Variants in INF2 observed in about 807,000 individuals in gnomAD.
INF2 encodes the protein inverted formin-2.
INF2 carries 43 observed loss-of-function variants against 123.5 expected under a neutral mutation model. That is an observed-to-expected ratio of 0.35 (90% CI 0.27 to 0.45). The LOEUF (loss-of-function observed/expected upper bound fraction) is 0.45, where lower values mean the gene tolerates loss of function less well. INF2 is among the 20% of genes least tolerant of loss of function. The probability of loss-of-function intolerance (pLI) is 1.00; values close to 1 mark genes in which losing one functional copy is unlikely to be tolerated. For synonymous variants in INF2, 851 were observed against 745.0 expected (o/e 1.14, Z -2.32); for missense variants, 1,453 against 1,682.7 (o/e 0.86, Z 2.39).
At chr14:104,687,502 A>G (rs1888695119), upstream of INF2, among the ~76,000 whole-genome samples, 1 of 151,848 alleles carries the variant, frequency 6.6e-6, no homozygotes, top group Non-Finnish European at 1.5e-5. This position sits in a 1 kb window ranked among gnomAD's most constrained non-coding sequence, Gnocchi z 5.6. Context: ...ACACAGACAC[A>G]CACTCTTAAT....
chr14:104,718,714 C>T, intron 22 of INF2, 81 bp from the exon 23 acceptor site: 1 of 1,576,222 alleles, frequency 6.3e-7, no homozygotes, highest in Middle Eastern at 1.7e-4. Context: ...GGTTCAGGGA[C>T]CTGGGCACCC....
chr14:104,689,590 T>TGCC, upstream of INF2: 164 of 646,912 alleles, frequency 2.5e-4, no homozygotes, highest in Middle Eastern at 8.4e-4. Flanking sequence ...CTCCTCTTCC[T>TGCC]CCCGCCCGCC....
intron 8 of INF2, 62 bp downstream of exon 8, chr14:104,708,064 G>A: frequency 6.3e-7 from 1 of 1,595,816 alleles, no homozygotes. Flanking sequence ...CTCTGCTGGG[G>A]AGAGGGGCAG....
In INF2 at chr14:104,714,875, C is replaced by A; in HGVS notation, c.3694+19C>A. On this transcript the variant is annotated intron_variant, in intron 21 of 22. Coordinates refer to ENST00000392634, the MANE Select transcript of INF2 (RefSeq NM_022489.4). ...CAGGAAGGTAACTCAGGGAGGGGCCCCGGGCACCGTCCCACGCCAGGGCGC... is the reference window on the plus strand; with the variant it reads ...CAGGAAGGTAACTCAGGGAGGGGCCACGGGCACCGTCCCACGCCAGGGCGC... 6.6e-7 allele frequency: 1 copy of A among 1,525,458 alleles called. No individual in the cohort carries two copies. The highest frequency in any genetic ancestry group is 2.4e-5 in the East Asian group (1 of 42,530). The allele number at this position is 1,525,458 out of a possible 1,614,324, so 94.5% of individuals were successfully genotyped here.
rs4351990 is a variant in INF2 at position 104,718,287 on chromosome 14, G to A, written c.*2-508G>A. On this transcript the variant is annotated intron_variant, in intron 22 of 22. Coordinates refer to ENST00000392634, the MANE Select transcript of INF2 (RefSeq NM_022489.4). Reference sequence around the variant, plus strand: ...CCCTGGACCAGAAAGCGAAGAGGGCGTTGGGGGCAGGAGGCCTGTGGGGCC... The same window carrying A: ...CCCTGGACCAGAAAGCGAAGAGGGCATTGGGGGCAGGAGGCCTGTGGGGCC... Among the ~76,000 whole-genome samples, 174 of 152,364 alleles carry A rather than the reference G, an allele frequency of 1.1e-3. 2 individuals carry two copies. The East Asian group carries it at 0.029, about 26-fold the overall frequency.
At chr14:104,708,875 T>C in intron 10 of INF2, 143 bp downstream of exon 10, 2 of 936,004 alleles carry the variant, frequency 2.1e-6, no homozygotes, top group Admixed American at 1.8e-5. Context: ...AGGCGGGTAA[T>C]AGCCCCATGC....
At chr14:104,712,341 G>A in intron 16 of INF2, 92 bp from the exon 17 acceptor site, 2 of 1,541,804 alleles carry the variant, frequency 1.3e-6, no homozygotes, top group Non-Finnish European at 1.8e-6. Context: ...GTGCACAGTG[G>A]GGTGCCGGGG....
At chr14:104,683,981 G>C (rs952749980) in intron 1 of INF2, 9 of 453,446 alleles carry the variant, frequency 2.0e-5, no homozygotes, top group Non-Finnish European at 3.6e-5. Flanking sequence ...AGCACCTCCA[G>C]GGAGCCCATC....
At chr14:104,709,412 C>T (rs1566783007) in intron 11 of INF2, 29 bp downstream of exon 11, 1 of 1,545,276 alleles carries the variant, frequency 6.5e-7, no homozygotes, top group Non-Finnish European at 8.9e-7. Flanking sequence ...CACCCCACCC[C>T]CAGTTAGTGC....
intron 1 of INF2, among the ~76,000 whole-genome samples, chr14:104,683,777 A>G (rs1888590603): frequency 6.6e-6 from 1 of 152,110 alleles, no homozygotes. Flanking sequence ...TCATCAGGCA[A>G]GATCCAATTC....
chr14:104,714,134 G>A, intron 20 of INF2, 69 bp from the exon 21 acceptor site: 3 of 1,333,604 alleles, frequency 2.2e-6, no homozygotes, highest in Non-Finnish European at 3.0e-6. Flanking sequence ...CAGCGGAATG[G>A]AGGAGGCTGC....
chr14:104,703,459 G>C lies in INF2; in HGVS notation c.667+5G>C. The C allele has an allele frequency of 6.2e-7, 1 of 1,611,368 alleles. No individual in the cohort carries two copies. Among genetic ancestry groups the C allele is most frequent in the South Asian group, 1.1e-5 (1 of 91,052 alleles). ...AGCTGCGGAACGAGTTTATCGGTAA[G>C]CACCTGCCCTGGGCCGCATGCCCGC... On this transcript the variant is annotated splice_donor_5th_base_variant and intron_variant, in intron 4 of 22. Transcript: ENST00000392634.
intron 1 of INF2, among the ~76,000 whole-genome samples, chr14:104,697,263 TGGGAGGCAAGTGA>T (rs1177969444): frequency 6.6e-6 from 1 of 152,194 alleles, no homozygotes; most frequent in African/African-American, 2.4e-5. Context: ...GCCTGGCTCC[TGGGAGGCAAGTGA>T]GGGAGCCGAG....
At chr14:104,711,764 G>A in intron 16 of INF2, 65 bp downstream of exon 16, 1 of 1,476,110 alleles carries the variant, frequency 6.8e-7, no homozygotes, top group East Asian at 2.3e-5. Flanking sequence ...TCCCCAGGCA[G>A]TGAGGTGGCT....
chr14:104,706,852 CCTT>C, intron 6 of INF2, 55 bp from the exon 7 acceptor site: 1 of 1,586,580 alleles, frequency 6.3e-7, no homozygotes. Context: ...AGGCCACAGT[CCTT>C]AGTCCACCAG....
chr14:104,705,991 T>G, intron 5 of INF2, 44 bp from the exon 6 acceptor site: 1 of 1,593,314 alleles, frequency 6.3e-7, no homozygotes, highest in Non-Finnish European at 8.6e-7. Context: ...TGCGTGTTGG[T>G]GGTGGCAGCA....
In INF2 at chr14:104,707,245, T is replaced by C; in HGVS notation, c.986-8T>C. Reference sequence around the variant, plus strand: ...TTCTCCCTTGACCCTGGACATCCCCTACTGCAGCCCAGGAATGCACCCTGG... The same window carrying C: ...TTCTCCCTTGACCCTGGACATCCCCCACTGCAGCCCAGGAATGCACCCTGG... On this transcript the variant is annotated splice_polypyrimidine_tract_variant and splice_region_variant and intron_variant, in intron 7 of 22. Coordinates refer to ENST00000392634, the MANE Select transcript of INF2 (RefSeq NM_022489.4). The C allele has an allele frequency of 6.2e-7, 1 of 1,605,212 alleles. No homozygotes were observed.
intron 20 of INF2, 141 bp downstream of exon 20, chr14:104,713,747 C>A: frequency 2.1e-6 from 2 of 931,466 alleles, no homozygotes; most frequent in Non-Finnish European, 3.2e-6. Flanking sequence ...TGGGGACAGC[C>A]GAGGGGACAG....
chr14:104,707,416 G>T lies in INF2; in HGVS notation c.1149G>T (p.Val383=). Residue 383 remains valine (V), a synonymous_variant, in exon 8 of 23, where the codon GTG becomes GTT. Transcript: ENST00000392634. ...ACACTACAACCCCCAAGCCCAGCGT[G>T]GAGGGCCAGCAGCCAGCAGCAGCTG... ...PQNTTTPKPS[V]EGQQPAAAAA... is the part of the protein sequence containing the mutation. 6.3e-7 allele frequency: 1 copy of T among 1,580,560 alleles called. No homozygotes were observed. Among genetic ancestry groups the T allele is most frequent in the African/African-American group, 1.4e-5 (1 of 73,984 alleles).
Sources: gnomAD v4.1 joint callset for allele counts (sites outside exome capture counted in the v4.1 genomes callset) on GRCh38, gnomAD v4.1.1 for gene constraint, Gnocchi (gnomAD v3.1) non-coding constraint, MANE v1.5 for transcripts, NCBI Gene and HGNC (gene_info 2026-07-23, HGNC 2026-07-21) for gene names.